Variants in ANKRD17 observed in about 807,000 individuals in gnomAD.
ANKRD17 encodes the protein ankyrin repeat domain 17.
ANKRD17 carries 19 observed loss-of-function variants against 229.7 expected under a neutral mutation model. The observed-to-expected ratio is 0.08, with a 90% confidence interval of 0.06 to 0.12. The LOEUF is 0.12. ANKRD17 is among the 10% of genes least tolerant of loss of function. ANKRD17 has a pLI of 1.00. For synonymous variants in ANKRD17, 1,112 were observed against 1,146.1 expected (o/e 0.97, Z 0.60); for missense variants, 2,176 against 3,176.8 (o/e 0.68, Z 7.57).
chr4:73,111,137 A>G (rs970059993), intron 24 of ANKRD17, among the ~76,000 whole-genome samples: 3 of 152,226 alleles, frequency 2.0e-5, no homozygotes, highest in African/African-American at 7.2e-5. Context: ...AACCTTGGAT[A>G]GTACTGGACC....
At position 73,098,291 on chromosome 4, in the gene ANKRD17, T is replaced by C. The variant is rs1377731883; in HGVS notation, c.4803A>G (p.Gly1601=). Residue 1601 remains glycine, a synonymous_variant, in exon 26 of 34, where the codon GGA becomes GGG. Coordinates refer to ENST00000358602, the MANE Select transcript of ANKRD17 (RefSeq NM_032217.5). ...CGCTGGTACTGCTGCTCTTGGACTC[T>C]CCATTCACCTTCTCTGGCTGACTGT... ...ISYSQPEKVN[G]ESKSSSTSES... The C allele has an allele frequency of 1.2e-6, 2 of 1,614,116 alleles. No homozygotes were observed. The highest frequency in any genetic ancestry group is 1.7e-6 in the Non-Finnish European group (2 of 1,180,056).
At chr4:73,197,021 G>A (rs1308913694) in intron 1 of ANKRD17, among the ~76,000 whole-genome samples, 7 of 152,036 alleles carry the variant, frequency 4.6e-5, no homozygotes, top group Non-Finnish European at 1.0e-4. Flanking sequence ...AATTTATTTG[G>A]TTAATGATAG....
intron 27 of ANKRD17, among the ~76,000 whole-genome samples, chr4:73,096,660 T>C (rs1723333282): frequency 1.3e-5 from 2 of 152,204 alleles, no homozygotes; most frequent in African/African-American, 4.8e-5. Flanking sequence ...AGATATTGTA[T>C]TTTTACTCTT....
rs551380988 is a variant in ANKRD17 at position 73,184,675 on chromosome 4, C to G, written c.394-7142G>C. Among the ~76,000 whole-genome samples, 18 of 151,428 alleles carry G rather than the reference C, an allele frequency of 1.2e-4. No individual in the cohort carries two copies. In the South Asian group the frequency reaches 2.7e-3, roughly 23 times the overall value. On this transcript the variant is annotated intron_variant, in intron 1 of 33. Coordinates refer to ENST00000358602, the MANE Select transcript of ANKRD17 (RefSeq NM_032217.5). Reference sequence around the variant, plus strand: ...GGCTACTCATTGGATTATACAAACACAAAAATAATTTTGTTATAATCAATA... The same window carrying G: ...GGCTACTCATTGGATTATACAAACAGAAAAATAATTTTGTTATAATCAATA...
chr4:73,083,367 T>G (rs1721765904), intron 30 of ANKRD17, among the ~76,000 whole-genome samples: 1 of 152,344 alleles, frequency 6.6e-6, no homozygotes, highest in South Asian at 2.1e-4. Flanking sequence ...TCCTTATTCT[T>G]AAGTGATGCA....
chr4:73,214,847 TAAAAAA>T (rs766995925), intron 1 of ANKRD17, among the ~76,000 whole-genome samples: 3 of 85,596 alleles, frequency 3.5e-5, no homozygotes, highest in Admixed American at 1.4e-4. Flanking sequence ...TCGTCTCTAT[TAAAAAA>T]AAAAAAAAAA....
chr4:73,168,940 T>A (rs1398606445), intron 2 of ANKRD17: 1 of 152,140 alleles, frequency 6.6e-6, no homozygotes, highest in African/African-American at 2.4e-5. Context: ...TTCCTCCCAT[T>A]CTCAAGTAGG....
chr4:73,086,919 A>AAAAAAAAAAAT (rs1553911000), intron 29 of ANKRD17, among the ~76,000 whole-genome samples: 2 of 12,464 alleles, frequency 1.6e-4, no homozygotes, highest in Non-Finnish European at 3.5e-4. Flanking sequence ...AAAAAAAAAA[A>AAAAAAAAAAAT]ATATATATAT....
chr4:73,139,899 C>G lies in ANKRD17; in HGVS notation c.2717G>C (p.Cys906Ser). 1 of 1,614,208 alleles carries G rather than the reference C, an allele frequency of 6.2e-7. No homozygotes were observed. Among genetic ancestry groups the G allele is most frequent in the Non-Finnish European group, 8.5e-7 (1 of 1,180,048 alleles). ...IQLQQQQQQS[C>S]QHLGLLTPVG... The stretch of plus-strand genomic sequence containing the variant: ...AGGAGTTAGTAATCCCAGGTGTTGG[C>G]AAGACTGTTGCTGCTGTTGCTGAAG... Residue 906 changes from cysteine to serine, a missense_variant, in exon 15 of 34, where the codon TGC becomes TCC. Cys to Ser is a moderately radical substitution (Grantham distance 112). Around this residue, in one of 18 missense-constraint regions of ANKRD17, gnomAD observed 230 missense variants for 252.3 expected, o/e 0.91. Coordinates refer to ENST00000358602, the MANE Select transcript of ANKRD17 (RefSeq NM_032217.5).
At chr4:73,093,012 A>T (rs536489496) in intron 28 of ANKRD17, among the ~76,000 whole-genome samples, 2 of 152,170 alleles carry the variant, frequency 1.3e-5, no homozygotes, top group Non-Finnish European at 2.9e-5. Context: ...CCTCTTTTCT[A>T]GATAAGATAG....
At chr4:73,192,676 A>C (rs1737294960) in intron 1 of ANKRD17, among the ~76,000 whole-genome samples, 1 of 152,160 alleles carries the variant, frequency 6.6e-6, no homozygotes, top group South Asian at 2.1e-4. Flanking sequence ...ATATTTCTAG[A>C]ATAAATTCTG....
chr4:73,154,244 T>G (rs1007521449), intron 5 of ANKRD17, 131 bp from the exon 6 acceptor site: 1 of 412,486 alleles, frequency 2.4e-6, no homozygotes, highest in African/African-American at 2.1e-5. Flanking sequence ...TATACATATA[T>G]GTAAATATAT....
At chr4:73,160,356 T>C (rs1395938798) in intron 3 of ANKRD17, among the ~76,000 whole-genome samples, 6 of 152,136 alleles carry the variant, frequency 3.9e-5, no homozygotes, top group African/African-American at 9.6e-5. Context: ...GTAGCGGGGA[T>C]TGCAGGCGTG....
Position 73,118,697 on chromosome 4 carries a change from T to A in ANKRD17, c.4179A>T (p.Ala1393=). The change falls in exon 22 of 34, where the codon GCA becomes GCT. Residue 1393 remains alanine, a synonymous_variant. Coordinates refer to ENST00000358602, the MANE Select transcript of ANKRD17 (RefSeq NM_032217.5). Reference sequence around the variant, plus strand: ...GATGAAAGACTTATACCTTTCTAAATGCTGCCATAAGAGGAGTTATCTTGC... The same window carrying A: ...GATGAAAGACTTATACCTTTCTAAAAGCTGCCATAAGAGGAGTTATCTTGC... ...DNRKITPLMA[A]FRKGHVKVVR... The A allele has an allele frequency of 6.2e-7, 1 of 1,613,974 alleles. No homozygotes were observed. The highest frequency in any genetic ancestry group is 2.2e-5 in the East Asian group (1 of 44,852).
chr4:73,091,608 T>C lies in ANKRD17; in HGVS notation c.6020A>G (p.Asn2007Ser), dbSNP rs778374301. 1.5e-5 allele frequency: 25 copies of C among 1,614,056 alleles called. No homozygotes were observed. Among genetic ancestry groups the C allele is most frequent in the African/African-American group, 2.7e-5 (2 of 74,920 alleles). ...GGTTGTGACTGTTGTTGTGGTGGCA[T>C]TGGATGTCTTCACAACTGTGACAAA... ...QLFVTVVKTS[N>S]ATTTTVTTTA... The change falls in exon 29 of 34, where the codon AAT becomes AGT. Residue 2007 changes from asparagine (N) to serine (S), a missense_variant. Around this residue, in one of 18 missense-constraint regions of ANKRD17, gnomAD observed 424 missense variants for 454.0 expected, o/e 0.93. Transcript: ENST00000358602.
intron 2 of ANKRD17, among the ~76,000 whole-genome samples, chr4:73,164,567 G>C (rs1183755859): frequency 6.6e-6 from 1 of 152,120 alleles, no homozygotes; most frequent in Non-Finnish European, 1.5e-5. Flanking sequence ...TTGGCGGGTG[G>C]ATTTCCTGAG....
chr4:73,211,786 G>A (rs550495009), intron 1 of ANKRD17, among the ~76,000 whole-genome samples: 2 of 149,724 alleles, frequency 1.3e-5, no homozygotes, highest in East Asian at 3.9e-4. Flanking sequence ...GGCAGAGGTC[G>A]CAGTGAGCTG....
chr4:73,141,970 A>G, intron 13 of ANKRD17, 127 bp from the exon 14 acceptor site: 1 of 885,972 alleles, frequency 1.1e-6, no homozygotes, highest in Non-Finnish European at 1.7e-6. Flanking sequence ...ACAATGACAT[A>G]TTTACTTAAA....
intron 22 of ANKRD17, among the ~76,000 whole-genome samples, chr4:73,116,540 C>G (rs148000321): frequency 6.6e-6 from 1 of 152,130 alleles, no homozygotes; most frequent in Non-Finnish European, 1.5e-5. Flanking sequence ...GTTAGCCAGT[C>G]GGGATAAACA....
Sources: allele counts gnomAD v4.1 joint callset (sites outside exome capture counted in the v4.1 genomes callset), GRCh38; gene constraint gnomAD v4.1.1; regional missense constraint gnomAD v4.1.1; transcripts MANE v1.5; gene names NCBI Gene and HGNC (gene_info 2026-07-23, HGNC 2026-07-21).